Variants in SMYD1 observed in about 807,000 individuals in gnomAD.
SMYD1 encodes the protein histone-lysine N-methyltransferase SMYD1.
A neutral mutation model predicts 54.0 loss-of-function variants in SMYD1; 49 were observed. The observed-to-expected ratio is 0.91, with a 90% CI of 0.72 to 1.15. The LOEUF is 1.15. Ranked by LOEUF, SMYD1 falls within the 50% of genes most tolerant of loss-of-function variation. The pLI is 0.00. For synonymous variants in SMYD1, 269 were observed against 234.2 expected (o/e 1.15, Z -1.36); for missense variants, 653 against 639.6 (o/e 1.02, Z -0.23).
At chr2:88,079,915 C>T (rs1200528820) in intron 1 of SMYD1, among the ~76,000 whole-genome samples, 1 of 152,228 alleles carries the variant, frequency 6.6e-6, no homozygotes, top group African/African-American at 2.4e-5. Flanking sequence ...AATACTTCTC[C>T]TCACCCCAAA....
chr2:88,092,794 C>T (rs992848938), intron 4 of SMYD1, among the ~76,000 whole-genome samples: 4 of 152,220 alleles, frequency 2.6e-5, no homozygotes, highest in Non-Finnish European at 5.9e-5. Context: ...CATGTATGGG[C>T]CTGGGCCTTC....
chr2:88,103,523 C>T (rs1674775539), intron 7 of SMYD1, among the ~76,000 whole-genome samples: 1 of 152,124 alleles, frequency 6.6e-6, no homozygotes, highest in Non-Finnish European at 1.5e-5. Context: ...CATGTGCCAG[C>T]TACAGTTTTC....
At chr2:88,106,206 CA>C in intron 7 of SMYD1, 118 bp from the exon 8 acceptor site, 1 of 1,343,340 alleles carries the variant, frequency 7.4e-7, no homozygotes, top group Non-Finnish European at 1.0e-6. Context: ...CCACCTCTGT[CA>C]GCAATTGCCC....
intron 4 of SMYD1, among the ~76,000 whole-genome samples, chr2:88,092,026 G>T (rs903268288): frequency 1.3e-5 from 2 of 152,212 alleles, no homozygotes; most frequent in Non-Finnish European, 2.9e-5. Context: ...GTGAGAGCTG[G>T]ACCCGGGATA....
intron 5 of SMYD1, among the ~76,000 whole-genome samples, chr2:88,095,710 C>A (rs777559763): frequency 6.6e-6 from 1 of 152,196 alleles, no homozygotes; most frequent in Non-Finnish European, 1.5e-5. Flanking sequence ...TAGGACCCAG[C>A]TTGCAGGGCC....
rs1410746562 is a variant in SMYD1 at position 88,093,438 on chromosome 2, G to T, written c.660-79G>T. The T allele has an allele frequency of 4.0e-6, 6 of 1,515,258 alleles. No homozygotes were observed. The East Asian group carries it at 1.4e-4, about 34-fold the overall frequency. 93.9% of individuals were successfully genotyped at this position (1,515,258 alleles called of 1,614,324 possible). ...AAGCTTTGATACTGTGACCCAGAAT[G>T]CTGTACACCCTTGCACTGGATCACA... On this transcript the variant is annotated intron_variant, in intron 4 of 9. Coordinates refer to ENST00000419482, the MANE Select transcript of SMYD1 (RefSeq NM_198274.4).
chr2:88,098,250 T>C (rs1674638701), intron 6 of SMYD1, among the ~76,000 whole-genome samples: 1 of 152,214 alleles, frequency 6.6e-6, no homozygotes, highest in African/African-American at 2.4e-5. Flanking sequence ...CTTTTCTCTA[T>C]TCTAAAATAA....
chr2:88,094,252 TC>T (rs1448373489), intron 5 of SMYD1, among the ~76,000 whole-genome samples: 1 of 152,236 alleles, frequency 6.6e-6, no homozygotes, highest in Admixed American at 6.5e-5. Flanking sequence ...ATGATTCACA[TC>T]ATCTCTTGGA....
intron 2 of SMYD1, among the ~76,000 whole-genome samples, chr2:88,086,277 A>T (rs865921293): frequency 3.9e-5 from 6 of 152,110 alleles, no homozygotes; most frequent in Middle Eastern, 3.4e-3. Flanking sequence ...AATTTCAATT[A>T]AAAAAAATGA....
Position 88,087,913 on chromosome 2 carries a change from G to A in SMYD1, c.366G>A (p.Thr122=), listed in dbSNP as rs749743071. The part of the protein sequence containing the change: ...WRVEREGTGL[T]EGCLVSVDDL... ...TGGAGAGAGAAGGCACCGGGCTCAC[G>A]GAGGGCTGCCTGGTGTCCGTGGACG... Residue 122 remains threonine, a synonymous_variant, in exon 3 of 10, where the codon ACG becomes ACA. Transcript: ENST00000419482. 3.1e-6 allele frequency: 5 copies of A among 1,612,488 alleles called. No individual in the cohort carries two copies. The highest frequency in any genetic ancestry group is 4.2e-6 in the Non-Finnish European group (5 of 1,179,224).
At chr2:88,072,443 G>A (rs755562178) in intron 1 of SMYD1, among the ~76,000 whole-genome samples, 9 of 152,194 alleles carry the variant, frequency 5.9e-5, no homozygotes, top group African/African-American at 1.7e-4. Context: ...GAGCCACTGC[G>A]CCTGGCAGAA....
At chr2:88,095,073 A>G (rs927900684) in intron 5 of SMYD1, among the ~76,000 whole-genome samples, 4 of 152,156 alleles carry the variant, frequency 2.6e-5, no homozygotes, top group Non-Finnish European at 5.9e-5. Flanking sequence ...TGAAGTTCCA[A>G]TCCTGGCTCT....
intron 7 of SMYD1, among the ~76,000 whole-genome samples, chr2:88,104,638 C>T (rs1045896890): frequency 1.8e-4 from 28 of 152,198 alleles, no homozygotes; most frequent in African/African-American, 6.5e-4. Flanking sequence ...TTTTTCCACT[C>T]CCCGCCACCT....
intron 7 of SMYD1, among the ~76,000 whole-genome samples, chr2:88,104,207 CT>C (rs1674801276): frequency 6.6e-6 from 1 of 152,186 alleles, no homozygotes; most frequent in Non-Finnish European, 1.5e-5. Context: ...ACATCATGAT[CT>C]GCCCGCCTTG....
At chr2:88,071,493 C>T (rs1171001974) in intron 1 of SMYD1, among the ~76,000 whole-genome samples, 2 of 152,062 alleles carry the variant, frequency 1.3e-5, no homozygotes, top group Non-Finnish European at 2.9e-5. Context: ...AAGAATAAAG[C>T]TGGGAAAATT....
intron 6 of SMYD1, among the ~76,000 whole-genome samples, chr2:88,098,340 T>C (rs1017276099): frequency 2.0e-5 from 3 of 152,200 alleles, no homozygotes; most frequent in African/African-American, 7.2e-5. Context: ...TGTGTGGCCT[T>C]TAGTTCCCAT....
chr2:88,096,811 T>C, intron 6 of SMYD1, 27 bp downstream of exon 6: 1 of 1,598,178 alleles, frequency 6.3e-7, no homozygotes, highest in Middle Eastern at 1.8e-4. Flanking sequence ...TGCTGAGGTG[T>C]TTGTGTCTGT....
intron 6 of SMYD1, among the ~76,000 whole-genome samples, chr2:88,100,900 GA>G (rs1312263473): frequency 6.6e-6 from 1 of 152,198 alleles, no homozygotes; most frequent in Non-Finnish European, 1.5e-5. Flanking sequence ...AATACAGGTA[GA>G]CACATAGAAT....
chr2:88,095,191 A>G (rs114271323), intron 5 of SMYD1, among the ~76,000 whole-genome samples: 1,610 of 152,302 alleles, frequency 0.011, 27 homozygotes, highest in African/African-American at 0.037. Flanking sequence ...TGTGAGCAGA[A>G]TCACCCGGCC....
Sources: allele counts gnomAD v4.1 joint callset (sites outside exome capture counted in the v4.1 genomes callset), GRCh38; gene constraint gnomAD v4.1.1; transcripts MANE v1.5; gene names NCBI Gene and HGNC (gene_info 2026-07-23, HGNC 2026-07-21).